NFAT5: variants seen among roughly 807,000 people sequenced by gnomAD.
NFAT5 encodes the protein nuclear factor of activated T-cells 5.
NFAT5 carries 31 observed loss-of-function variants against 166.5 expected under a neutral mutation model. That is an observed-to-expected ratio of 0.19 (90% CI 0.14 to 0.25). NFAT5 has a LOEUF of 0.25. Ranked by LOEUF, NFAT5 falls within the 10% of genes least tolerant of loss-of-function variation. NFAT5 has a pLI of 1.00. For missense variants in NFAT5, 1,449 were observed against 1,821.8 expected (o/e 0.80, Z 3.72); for synonymous variants, 612 against 639.7 (o/e 0.96, Z 0.65).
intron 10 of NFAT5, 74 bp downstream of exon 10, chr16:69,677,409 C>G (rs986080109): frequency 5.6e-6 from 7 of 1,254,542 alleles, no homozygotes; most frequent in African/African-American, 3.1e-5. Flanking sequence ...ATGAAGATGA[C>G]TAGCCAACCA....
Position 69,692,500 on chromosome 16 carries a change from A to G in NFAT5, c.2675A>G (p.Asn892Ser). The G allele has an allele frequency of 6.2e-7, 1 of 1,614,208 alleles. No individual in the cohort carries two copies. Among genetic ancestry groups the G allele is most frequent in the Non-Finnish European group, 8.5e-7 (1 of 1,180,044 alleles). The change falls in exon 13 of 15, where the codon AAC becomes AGC. Residue 892 changes from asparagine (N) to serine (S), a missense_variant. Around this residue, in one of 7 missense-constraint regions of NFAT5, gnomAD observed 891 missense variants for 993.0 expected, o/e 0.90. Transcript: ENST00000349945. ...GAAAGTGTTCATCCACAGTCTGAAAACACGTTATCTAATCAACAGCAGCAG... is the reference window on the plus strand; with the variant it reads ...GAAAGTGTTCATCCACAGTCTGAAAGCACGTTATCTAATCAACAGCAGCAG... ...RAESVHPQSE[N>S]TLSNQQQQQQ...
rs188508259 is a variant in NFAT5 at position 69,647,614 on chromosome 16, A to G, written c.812+28A>G. 2.7e-5 allele frequency: 41 copies of G among 1,517,968 alleles called. No individual in the cohort carries two copies. The African/African-American group carries it at 3.6e-4, about 13-fold the overall frequency. The allele number at this position is 1,517,968 out of a possible 1,614,324, so 94.0% of individuals were successfully genotyped here. A position where few individuals can be genotyped will look rare whatever the true frequency, so the allele number is the denominator to read the frequency against. On this transcript the variant is annotated intron_variant, in intron 4 of 14. Coordinates refer to ENST00000349945, the MANE Select transcript of NFAT5 (RefSeq NM_138713.4). This position sits in a 1 kb window ranked among gnomAD's most constrained non-coding sequence, Gnocchi z 4.8. ...TGGTATTCACATTTTTTAAAATTCT[A>G]TCATCATTATGCAAAACAAACAAAC...
rs191898330 is a variant in NFAT5, at chr16:69,677,385, T to C, written c.1690+50T>C. On this transcript the variant is annotated intron_variant, in intron 10 of 14. Coordinates refer to ENST00000349945, the MANE Select transcript of NFAT5 (RefSeq NM_138713.4). ...ACTAAAACAAATAATTAATTTCCAG[T>C]TTTTTGAAAGAATATGAAGATGACT... The C allele has an allele frequency of 2.0e-3, 2,921 of 1,473,702 alleles. 55 individuals are homozygous for C. The African/African-American group carries it at 0.036, about 18-fold the overall frequency. The allele number at this position is 1,473,702 out of a possible 1,614,324, so 91.3% of individuals were successfully genotyped here. A position where few individuals can be genotyped will look rare whatever the true frequency, so the allele number is the denominator to read the frequency against.
chr16:69,648,623 G>A (rs1210357221), intron 4 of NFAT5: 1 of 980,740 alleles, frequency 1.0e-6, no homozygotes, highest in African/African-American at 1.8e-5. Context: ...ATGCAGACTA[G>A]TATGACTTTT....
In NFAT5 at chr16:69,589,424, C is replaced by T. The variant is rs182396612; in HGVS notation, c.127+20876C>T. 6.6e-5 allele frequency among the ~76,000 whole-genome samples: 10 copies of T among 152,210 alleles called. No homozygotes were observed. In the East Asian group the frequency reaches 9.7e-4, roughly 15 times the overall value. On this transcript the variant is annotated intron_variant, in intron 2 of 14. Transcript: ENST00000349945. ...ATGGTGTGTCCTATGAGAAAAATAC[C>T]GTTTTAGCAATCGAAATGTGGATGT...
At chr16:69,616,062 C>T (rs1334849659) in intron 2 of NFAT5, among the ~76,000 whole-genome samples, 2 of 152,072 alleles carry the variant, frequency 1.3e-5, no homozygotes, top group African/African-American at 4.8e-5. Context: ...CCCTCAACCC[C>T]GATAGATGTC....
Position 69,568,441 on chromosome 16 carries a change from C to T in NFAT5, c.74-54C>T, listed in dbSNP as rs915486950. The T allele has an allele frequency of 2.1e-6, 3 of 1,433,726 alleles. No homozygotes were observed. The African/African-American group carries it at 4.3e-5, about 20-fold the overall frequency. The allele number at this position is 1,433,726 out of a possible 1,614,324, so 88.8% of individuals were successfully genotyped here. ...TATAAGAGATGTATGCTATCCTTGG[C>T]ATTTTTTTCCTCATTCAGCATAAAA... On this transcript the variant is annotated intron_variant, in intron 1 of 14. Coordinates refer to ENST00000349945, the MANE Select transcript of NFAT5 (RefSeq NM_138713.4).
chr16:69,586,586 A>G (rs2032080605), intron 2 of NFAT5, among the ~76,000 whole-genome samples: 1 of 152,014 alleles, frequency 6.6e-6, no homozygotes, highest in Non-Finnish European at 1.5e-5. Context: ...TAGTTTTAGT[A>G]GAGACGAGGT....
Position 69,566,432 on chromosome 16 carries a change from C to T in NFAT5, c.73+58C>T, listed in dbSNP as rs142292515. On this transcript the variant is annotated intron_variant, in intron 1 of 14. Transcript: ENST00000349945. This position sits in a 1 kb window ranked among gnomAD's most constrained non-coding sequence, Gnocchi z 5.7. ...GCGGGGAGACAGGGAGACAGGGAGA[C>T]AGGGCCAGGGGAGGCGAGGGGTCCC... The T allele has an allele frequency of 0.041, 55,718 of 1,347,856 alleles. 2,061 individuals are homozygous for T. The highest frequency in any genetic ancestry group is 0.071 in the Middle Eastern group (291 of 4,090). The allele number at this position is 1,347,856 out of a possible 1,614,324, so 83.5% of individuals were successfully genotyped here. A position where few individuals can be genotyped will look rare whatever the true frequency, so the allele number is the denominator to read the frequency against.
At chr16:69,675,023 C>T (rs1238780334) in intron 9 of NFAT5, among the ~76,000 whole-genome samples, 1 of 152,120 alleles carries the variant, frequency 6.6e-6, no homozygotes, top group African/African-American at 2.4e-5. Context: ...TTAAAAATAG[C>T]TTTTGATCAC....
At position 69,566,469 on chromosome 16, in the gene NFAT5, G is replaced by A; in HGVS notation, c.73+95G>A. On this transcript the variant is annotated intron_variant, in intron 1 of 14. Transcript: ENST00000349945. The surrounding 1 kb of genome is among the most constrained non-coding windows in gnomAD (Gnocchi z 5.7). ...AGGCGAGGGGTCCCCGTCCCGCCGG[G>A]GGCGGCTGAGCCGCGACCCCCATGG... is the stretch of plus-strand genomic sequence containing the variant. The A allele has an allele frequency of 9.1e-7, 1 of 1,101,000 alleles. No individual in the cohort carries two copies. Among genetic ancestry groups the A allele is most frequent in the Non-Finnish European group, 1.3e-6 (1 of 746,622 alleles). 68.2% of individuals were successfully genotyped at this position (1,101,000 alleles called of 1,614,324 possible).
At chr16:69,588,439 A>G (rs559364754) in intron 2 of NFAT5, among the ~76,000 whole-genome samples, 5 of 152,200 alleles carry the variant, frequency 3.3e-5, no homozygotes, top group African/African-American at 1.2e-4. Flanking sequence ...CAAAAGAGAG[A>G]TGATTGCTAA....
chr16:69,624,831 G>C (rs1387855277), intron 2 of NFAT5, among the ~76,000 whole-genome samples: 1 of 151,454 alleles, frequency 6.6e-6, no homozygotes, highest in Non-Finnish European at 1.5e-5. Flanking sequence ...TACTAGGCAA[G>C]TCCCTTAAAT....
intron 3 of NFAT5, among the ~76,000 whole-genome samples, chr16:69,640,710 A>C (rs1158494870): frequency 2.6e-5 from 4 of 152,182 alleles, no homozygotes; most frequent in Non-Finnish European, 5.9e-5. Flanking sequence ...GGCCAGGCAC[A>C]GTGGTTCACG....
At chr16:69,622,018 T>C (rs1422100321) in intron 2 of NFAT5, among the ~76,000 whole-genome samples, 8 of 152,188 alleles carry the variant, frequency 5.3e-5, no homozygotes, top group Admixed American at 4.6e-4. Context: ...ATTCAGGATT[T>C]CTTTCATTGG....
At chr16:69,694,278 A>G (rs748552919) in intron 13 of NFAT5, 39 bp downstream of exon 13, 38 of 1,489,304 alleles carry the variant, frequency 2.6e-5, no homozygotes, top group Non-Finnish European at 3.4e-5. Context: ...ATTGGTCATT[A>G]TTATTATTAG....
chr16:69,692,420 C>T lies in NFAT5; in HGVS notation c.2595C>T (p.Ser865=). ...IQSGVSPGMF[S]STEPTVHTRP... ...GTGGTGTAAGCCCTGGAATGTTTTC[C>T]TCAACAGAGCCAACAGTCCATACCA... The change falls in exon 13 of 15, where the codon TCC becomes TCT. Residue 865 remains serine, a synonymous_variant. Coordinates refer to ENST00000349945, the MANE Select transcript of NFAT5 (RefSeq NM_138713.4). 2 of 1,614,166 alleles carry T rather than the reference C, an allele frequency of 1.2e-6. No individual in the cohort carries two copies. Among genetic ancestry groups the T allele is most frequent in the Non-Finnish European group, 1.7e-6 (2 of 1,180,028 alleles).
intron 2 of NFAT5, among the ~76,000 whole-genome samples, chr16:69,609,377 G>C (rs570031687): frequency 1.3e-5 from 2 of 151,990 alleles, no homozygotes; most frequent in African/African-American, 4.8e-5. Flanking sequence ...TTCAGTAGTC[G>C]GTCTGTGATG....
In NFAT5 at chr16:69,567,000, T is replaced by A. The variant is rs570901793; in HGVS notation, c.73+626T>A. ...CATCTTCTTGCTGGAAAGGGCCCGA[T>A]GGAAAGGGCCCGAATTTTCTTTTCT... On this transcript the variant is annotated intron_variant, in intron 1 of 14. Transcript: ENST00000349945. The surrounding 1 kb of genome is among the most constrained non-coding windows in gnomAD (Gnocchi z 5.7). 2.0e-5 allele frequency among the ~76,000 whole-genome samples: 3 copies of A among 152,196 alleles called. No individual in the cohort carries two copies. In the South Asian group the frequency reaches 6.2e-4, roughly 32 times the overall value.
Sources: allele counts gnomAD v4.1 joint callset (sites outside exome capture counted in the v4.1 genomes callset), GRCh38; gene constraint gnomAD v4.1.1; regional missense constraint gnomAD v4.1.1; non-coding constraint Gnocchi (gnomAD v3.1); transcripts MANE v1.5; gene names NCBI Gene and HGNC (gene_info 2026-07-23, HGNC 2026-07-21).